Variants in CXCL13 observed in about 807,000 individuals in gnomAD.
CXCL13 encodes C-X-C motif chemokine 13.
CXCL13 carries 7 observed loss-of-function variants against 12.2 expected under a neutral mutation model. The ratio of observed to expected loss-of-function variants is 0.57; its 90% CI spans 0.33 to 1.07. The LOEUF is 1.07. CXCL13 is among the 50% of genes least tolerant of loss of function. The pLI is 0.04. For synonymous variants in CXCL13, 47 were observed against 42.4 expected (o/e 1.11, Z -0.42); for missense variants, 113 against 127.4 (o/e 0.89, Z 0.55).
intron 1 of CXCL13, among the ~76,000 whole-genome samples, chr4:77,589,737 T>A (rs1726563310): frequency 6.6e-6 from 1 of 152,164 alleles, no homozygotes; most frequent in African/African-American, 2.4e-5. Flanking sequence ...TGTTAAGTGT[T>A]TGAGAGATAT....
At chr4:77,577,127 G>C (rs553978190) in intron 1 of CXCL13, among the ~76,000 whole-genome samples, 1 of 152,200 alleles carries the variant, frequency 6.6e-6, no homozygotes, top group East Asian at 1.9e-4. Context: ...GCCAGGTGAT[G>C]GGAAAAAATA....
chr4:77,535,603 G>A (rs573205108), intron 1 of CXCL13, among the ~76,000 whole-genome samples: 2 of 152,192 alleles, frequency 1.3e-5, no homozygotes, highest in South Asian at 4.1e-4. Flanking sequence ...AATTCCATGT[G>A]CATCCACCTG....
intron 1 of CXCL13, among the ~76,000 whole-genome samples, chr4:77,567,697 A>G (rs1402435017): frequency 6.6e-6 from 1 of 152,152 alleles, no homozygotes; most frequent in Non-Finnish European, 1.5e-5. Context: ...TCTGCTAATT[A>G]TAGTATATTA....
At chr4:77,562,380 C>T (rs1725836568) in intron 1 of CXCL13, among the ~76,000 whole-genome samples, 1 of 152,020 alleles carries the variant, frequency 6.6e-6, no homozygotes, top group African/African-American at 2.4e-5. Flanking sequence ...GTGCAGGATC[C>T]ACCAGGTGAA....
intron 1 of CXCL13, 62 bp downstream of exon 1, chr4:77,605,991 T>C: frequency 1.6e-6 from 2 of 1,225,696 alleles, no homozygotes; most frequent in Non-Finnish European, 2.3e-6. Flanking sequence ...ACCACTTCAA[T>C]TTTCTTTCGA....
At chr4:77,567,262 T>A (rs1725961992) in intron 1 of CXCL13, among the ~76,000 whole-genome samples, 1 of 152,220 alleles carries the variant, frequency 6.6e-6, no homozygotes, top group Non-Finnish European at 1.5e-5. Context: ...CCCACCACCC[T>A]TTGCTGACTC....
At position 77,530,748 on chromosome 4, in the gene CXCL13, G is replaced by T. The variant is rs529080990; in HGVS notation, c.-43+18960G>T. ...CAGCTCCTGGATTCATTGATTTTTT[G>T]AAGGGTTTTTTGTGTCTCTATTTCC... On this transcript the variant is annotated intron_variant, in intron 1 of 4. Transcript: ENST00000286758. 1.9e-4 allele frequency among the ~76,000 whole-genome samples: 29 copies of T among 152,054 alleles called. No individual in the cohort carries two copies. The South Asian group carries it at 6.0e-3, about 32-fold the overall frequency.
In CXCL13 at chr4:77,552,822, G is replaced by T. The variant is rs535946403; in HGVS notation, c.-43+41034G>T. 3.9e-5 allele frequency among the ~76,000 whole-genome samples: 6 copies of T among 152,338 alleles called. No homozygotes were observed. In the South Asian group the frequency reaches 1.0e-3, roughly 26 times the overall value. On this transcript the variant is annotated intron_variant, in intron 1 of 4. Transcript: ENST00000286758. ...CAGGTGCCTGGAGATCTGCCTGGGG[G>T]TAAAACAGAGAGGGTCCCACTGCAC...
chr4:77,611,588 T>G lies in CXCL13; in HGVS notation c.*549T>G, dbSNP rs1001038583. On this transcript the variant is annotated 3_prime_UTR_variant, in exon 4 of 4. Transcript: ENST00000682537. The stretch of plus-strand genomic sequence containing the variant: ...ACTTTTAAAGAATTTCTTTATAAAA[T>G]TTACTGTCTAAGATTAATAGCATTC... 2.5e-6 allele frequency: 1 copy of G among 397,936 alleles called. No homozygotes were observed. The highest frequency in any genetic ancestry group is 4.4e-6 in the Non-Finnish European group (1 of 225,954). 24.7% of individuals were successfully genotyped at this position (397,936 alleles called of 1,614,324 possible).
intron 1 of CXCL13, among the ~76,000 whole-genome samples, chr4:77,520,982 T>C (rs6833456): frequency 0.088 from 13,362 of 152,236 alleles, 1,952 homozygotes; most frequent in African/African-American, 0.3. Context: ...ATCATGTGGT[T>C]TTTTGTCACT....
At chr4:77,577,520 C>T (rs1726226282) in intron 1 of CXCL13, among the ~76,000 whole-genome samples, 2 of 152,144 alleles carry the variant, frequency 1.3e-5, no homozygotes, top group African/African-American at 4.8e-5. Context: ...CCAAGCTTCC[C>T]ATTTCATGGA....
intron 1 of CXCL13, among the ~76,000 whole-genome samples, chr4:77,567,609 T>C (rs2109816521): frequency 6.6e-6 from 1 of 152,220 alleles, no homozygotes; most frequent in East Asian, 1.9e-4. Flanking sequence ...TAAAACAAGA[T>C]GCAGTAAAAA....
intron 1 of CXCL13, among the ~76,000 whole-genome samples, chr4:77,594,785 G>C (rs937773863): frequency 6.6e-6 from 1 of 152,316 alleles, no homozygotes; most frequent in East Asian, 1.9e-4. Context: ...AGAGCACCAG[G>C]ATAAATAGCT....
At chr4:77,550,366 C>G (rs1387168949) in intron 1 of CXCL13, among the ~76,000 whole-genome samples, 7 of 152,174 alleles carry the variant, frequency 4.6e-5, no homozygotes, top group Non-Finnish European at 1.0e-4. Context: ...CAGCCAGTCC[C>G]AATGAGACGA....
intron 1 of CXCL13, among the ~76,000 whole-genome samples, chr4:77,513,401 G>C (rs1724320283): frequency 6.6e-6 from 1 of 151,902 alleles, no homozygotes; most frequent in Non-Finnish European, 1.5e-5. Flanking sequence ...CCCACCAACA[G>C]TGTAAAAGCA....
intron 1 of CXCL13, among the ~76,000 whole-genome samples, chr4:77,516,363 A>C (rs1380048805): frequency 2.0e-5 from 3 of 152,156 alleles, no homozygotes; most frequent in Non-Finnish European, 2.9e-5. Flanking sequence ...TATTGATTGG[A>C]ATAGTTTCAG....
chr4:77,524,696 C>T (rs1724717476), intron 1 of CXCL13, among the ~76,000 whole-genome samples: 1 of 152,150 alleles, frequency 6.6e-6, no homozygotes, highest in African/African-American at 2.4e-5. Context: ...TATGTCCCAC[C>T]CTGCTTCAGC....
At chr4:77,607,870 TCTCCC>T in intron 2 of CXCL13, 35 bp downstream of exon 2, 1 of 1,601,964 alleles carries the variant, frequency 6.2e-7, no homozygotes, top group Non-Finnish European at 8.5e-7. Context: ...AAGATTTCCT[TCTCCC>T]AATGAAATCA....
In CXCL13 at chr4:77,611,377, C is replaced by T. The variant is rs1727150175; in HGVS notation, c.*338C>T. On this transcript the variant is annotated 3_prime_UTR_variant, in exon 4 of 4. Transcript: ENST00000682537. ...GAAAACAATGGAATGAGAATTTAAG[C>T]CTCAAATTTGAACATGTGGCTTGAA... is the stretch of plus-strand genomic sequence containing the variant. 1 of 357,248 alleles carries T rather than the reference C, an allele frequency of 2.8e-6. No homozygotes were observed. Among genetic ancestry groups the T allele is most frequent in the South Asian group, 1.5e-4 (1 of 6,766 alleles). The allele number at this position is 357,248 out of a possible 1,614,324, so 22.1% of individuals were successfully genotyped here. A position where few individuals can be genotyped will look rare whatever the true frequency, so the allele number is the denominator to read the frequency against.
Sources: gnomAD v4.1 joint callset for allele counts (sites outside exome capture counted in the v4.1 genomes callset) on GRCh38, gnomAD v4.1.1 for gene constraint, MANE v1.5 for transcripts, NCBI Gene and HGNC (gene_info 2026-07-23, HGNC 2026-07-21) for gene names.